SPTA1: variants seen among roughly 807,000 people sequenced by gnomAD.
The protein encoded by SPTA1 is spectrin alpha, erythrocytic 1, also known as spectrin alpha chain, erythrocytic 1.
SPTA1 carries 177 observed loss-of-function variants against 324.7 expected under a neutral mutation model. The observed-to-expected ratio is 0.55, with a 90% CI of 0.48 to 0.62. The LOEUF is 0.62. Among genes scored for constraint, SPTA1 ranks in the 20% least tolerant of loss-of-function variants. The pLI is 0.00. For synonymous variants in SPTA1, 1,195 were observed against 1,041.3 expected, an observed-to-expected ratio of 1.15 and a Z score of -2.84; for missense variants, 3,162 against 2,883.6, an observed-to-expected ratio of 1.10 and a Z score of -2.21.
chr1:158,685,982 A>T (rs903262322), intron 1 of SPTA1, among the ~76,000 whole-genome samples: 5 of 152,182 alleles, frequency 3.3e-5, no homozygotes, highest in African/African-American at 1.2e-4. Context: ...TTTACTCTAA[A>T]ACAATATATA....
intron 31 of SPTA1, 99 bp from the exon 32 acceptor site, chr1:158,643,075 C>A: frequency 6.7e-7 from 1 of 1,496,658 alleles, no homozygotes. Context: ...TGCCTCTTTT[C>A]TTCTCACATA....
Position 158,615,286 on chromosome 1 carries a change from G to A in SPTA1, c.6718C>T (p.Gln2240Ter). The change falls in exon 48 of 52, where the codon CAG becomes TAG. Residue 2240 changes from glutamine to a stop codon, truncating the protein, a stop_gained. Transcript: ENST00000643759. LOFTEE classifies it high-confidence loss of function. ...AGCTGGTAGAGCTGGTCCCACTGCT[G>A]AGCCAATCCAATGGTGCTGTATTTG... ...DIKYSTIGLA[Q>*]QWDQLYQLGL... 1 of 1,614,012 alleles carries A rather than the reference G, an allele frequency of 6.2e-7. No homozygotes were observed. Among genetic ancestry groups the A allele is most frequent in the Non-Finnish European group, 8.5e-7 (1 of 1,180,012 alleles).
At chr1:158,615,444 G>C in intron 47 of SPTA1, 41 bp from the exon 48 acceptor site, 1 of 1,603,344 alleles carries the variant, frequency 6.2e-7, no homozygotes, top group South Asian at 1.1e-5. Flanking sequence ...AGTTGCCCAG[G>C]TTACCAGCTC....
chr1:158,675,284 A>G (rs1654317809), intron 8 of SPTA1, among the ~76,000 whole-genome samples: 1 of 152,202 alleles, frequency 6.6e-6, no homozygotes, highest in African/African-American at 2.4e-5. Flanking sequence ...ATCCACATTC[A>G]GGAAATAATA....
chr1:158,682,418 T>C (rs1489013446), intron 3 of SPTA1, among the ~76,000 whole-genome samples: 1 of 152,216 alleles, frequency 6.6e-6, no homozygotes. Flanking sequence ...TTGTAATTAA[T>C]GTAGATGCTG....
At chr1:158,683,070 A>T (rs1654920732) in intron 3 of SPTA1, among the ~76,000 whole-genome samples, 1 of 152,152 alleles carries the variant, frequency 6.6e-6, no homozygotes, top group Non-Finnish European at 1.5e-5. Context: ...CATTGGAAAA[A>T]ACTAATTGAT....
chr1:158,675,539 T>A (rs167818), intron 8 of SPTA1, among the ~76,000 whole-genome samples: 2,494 of 152,284 alleles, frequency 0.016, 34 homozygotes, highest in Non-Finnish European at 0.029. Context: ...TGCCAGAAAC[T>A]GCAGATAGTA....
chr1:158,636,589 G>A (rs1187480794), intron 37 of SPTA1, 52 bp downstream of exon 37: 197 of 1,594,674 alleles, frequency 1.2e-4, no homozygotes, highest in Non-Finnish European at 1.5e-4. Flanking sequence ...GTAACACAAG[G>A]GGTTGCTATA....
intron 18 of SPTA1, among the ~76,000 whole-genome samples, chr1:158,658,686 T>C (rs1333416009): frequency 6.6e-6 from 1 of 151,930 alleles, no homozygotes; most frequent in Non-Finnish European, 1.5e-5. Flanking sequence ...CTCCATCAAG[T>C]TATAGCATAA....
At chr1:158,638,274 T>G in intron 35 of SPTA1, 33 bp from the exon 36 acceptor site, 1 of 1,594,828 alleles carries the variant, frequency 6.3e-7, no homozygotes, top group South Asian at 1.1e-5. Flanking sequence ...GTGAATAGTA[T>G]AGTATAGGCA....
At position 158,645,098 on chromosome 1, in the gene SPTA1, T is replaced by G. The variant is rs1651892090; in HGVS notation, c.4194+90A>C. The G allele has an allele frequency of 7.3e-6, 10 of 1,362,296 alleles. No homozygotes were observed. The South Asian group carries it at 1.2e-4, about 16-fold the overall frequency. 84.4% of individuals were successfully genotyped at this position (1,362,296 alleles called of 1,614,324 possible). On this transcript the variant is annotated intron_variant, in intron 29 of 51. Transcript: ENST00000643759. Reference sequence around the variant, plus strand: ...CCCTTTGTGTTTATAACGTGGAAAGTCTAGTGAACGGAGCCTGTAATGACC... The same window carrying G: ...CCCTTTGTGTTTATAACGTGGAAAGGCTAGTGAACGGAGCCTGTAATGACC...
At position 158,648,557 on chromosome 1, in the gene SPTA1, C is replaced by A; in HGVS notation, c.3666G>T (p.Gln1222His). Residue 1222 changes from glutamine to histidine, a missense_variant, in exon 26 of 52, where the codon CAG (glutamine) becomes CAT (histidine). Physicochemically the swap from Gln to His is conservative, Grantham distance 24. Coordinates refer to ENST00000643759, the MANE Select transcript of SPTA1 (RefSeq NM_003126.4). Reference protein sequence around the residue: ...GSDLFSVQALQRRHEGFERDL... With the variant: ...GSDLFSVQALHRRHEGFERDL... ...CCCTTTCAAAGCCCTCATGCCGTCG[C>A]TGAAGAGCCTGAACACTGAACAGAT... 6.2e-7 allele frequency: 1 copy of A among 1,614,064 alleles called. No individual in the cohort carries two copies. The highest frequency in any genetic ancestry group is 8.5e-7 in the Non-Finnish European group (1 of 1,179,974).
At position 158,672,125 on chromosome 1, in the gene SPTA1, C is replaced by A. The variant is rs762010257; in HGVS notation, c.1422G>T (p.Gln474His). 2.7e-5 allele frequency: 44 copies of A among 1,614,026 alleles called. No individual in the cohort carries two copies. The South Asian group carries it at 4.6e-4, about 17-fold the overall frequency. Reference protein sequence around the residue: ...LWDERHRQYEQCLDFHLFYRD... With the variant: ...LWDERHRQYEHCLDFHLFYRD... ...TGTAGAAGAGATGAAAGTCCAAGCA[C>A]TGCTCATACTGACGATGACGCTCGT... is the stretch of plus-strand genomic sequence containing the variant. Residue 474 changes from glutamine (Q) to histidine (H), a missense_variant, in exon 11 of 52, where the codon CAG becomes CAT. By Grantham distance (24) the Gln-to-His change is conservative (BLOSUM62 0). Transcript: ENST00000643759.
At chr1:158,646,297 C>T (rs1651994214) in intron 27 of SPTA1, among the ~76,000 whole-genome samples, 1 of 152,092 alleles carries the variant, frequency 6.6e-6, no homozygotes, top group Admixed American at 6.6e-5. Context: ...TAAAGAATGT[C>T]ATTACTCTTG....
intron 18 of SPTA1, among the ~76,000 whole-genome samples, chr1:158,659,134 C>CA: frequency 6.6e-6 from 1 of 151,650 alleles, no homozygotes; most frequent in East Asian, 1.9e-4. Flanking sequence ...CAGTTGACTA[C>CA]CAAAGCAAAG....
At chr1:158,634,485 C>T (rs1650911391) in intron 39 of SPTA1, 58 bp downstream of exon 39, 65 of 1,608,066 alleles carry the variant, frequency 4.0e-5, no homozygotes, top group Non-Finnish European at 5.4e-5. Context: ...ACACTGACTA[C>T]CCAAGAAAAT....
At position 158,654,647 on chromosome 1, in the gene SPTA1, T is replaced by C; in HGVS notation, c.3000A>G (p.Lys1000=). The C allele has an allele frequency of 1.9e-6, 3 of 1,614,000 alleles. No individual in the cohort carries two copies. The highest frequency in any genetic ancestry group is 1.7e-5 in the Admixed American group (1 of 59,986). Residue 1000 remains lysine, a synonymous_variant, in exon 21 of 52, where the codon AAA becomes AAG. Transcript: ENST00000643759. The part of the protein sequence containing the change: ...ARSPREVTMK[K]GDVLTLLSSI... ...AACTGAGCAGCGTTAAGACATCACC[T>C]TTCTTCATGGTGACTTCTCGGGGGC...
intron 15 of SPTA1, among the ~76,000 whole-genome samples, 158 bp downstream of exon 15, chr1:158,667,700 G>T (rs1320143919): frequency 6.6e-6 from 1 of 152,038 alleles, no homozygotes; most frequent in Non-Finnish European, 1.5e-5. Flanking sequence ...ATTCAGGTTG[G>T]ATTTTTAAAA....
chr1:158,631,363 C>T (rs971751687), intron 39 of SPTA1, among the ~76,000 whole-genome samples: 1 of 152,026 alleles, frequency 6.6e-6, no homozygotes, highest in African/African-American at 2.4e-5. Context: ...GAATGGAAAA[C>T]CAAATGTCTT....
Sources: gnomAD v4.1 joint callset for allele counts (sites outside exome capture counted in the v4.1 genomes callset) on GRCh38, gnomAD v4.1.1 for gene constraint, MANE v1.5 for transcripts, NCBI Gene and HGNC (gene_info 2026-07-23, HGNC 2026-07-21) for gene names.